The following PHLPP1 variants were observed in gnomAD, a reference collection of about 807,000 sequenced individuals.
PHLPP1 encodes the protein PH domain and leucine rich repeat protein phosphatase 1, also known as PH domain leucine-rich repeat-containing protein phosphatase 1.
PHLPP1 carries 42 observed loss-of-function variants against 117.2 expected under a neutral mutation model. The observed-to-expected ratio is 0.36, with a 90% CI of 0.28 to 0.46. The LOEUF is 0.46. Ranked by LOEUF, PHLPP1 falls within the 20% of genes least tolerant of loss-of-function variation. The pLI, the probability that PHLPP1 is intolerant of heterozygous loss-of-function variation, is 1.00. For missense variants in PHLPP1, 2,084 were observed against 2,241.9 expected, an observed-to-expected ratio of 0.93 and a Z score of 1.42; for synonymous variants, 1,042 against 970.7, an observed-to-expected ratio of 1.07 and a Z score of -1.37.
chr18:62,829,732 A>G (rs1325443444), intron 1 of PHLPP1, among the ~76,000 whole-genome samples: 1 of 152,210 alleles, frequency 6.6e-6, no homozygotes, highest in African/African-American at 2.4e-5. Flanking sequence ...AGCCTGGGTG[A>G]CAGAGCGAAA....
At chr18:62,887,458 T>C (rs1228856330) in intron 4 of PHLPP1, among the ~76,000 whole-genome samples, 1 of 152,220 alleles carries the variant, frequency 6.6e-6, no homozygotes, top group Non-Finnish European at 1.5e-5. Flanking sequence ...ACAACAGAAA[T>C]TTATTTCAGT....
At chr18:62,873,040 C>T (rs1915948965) in intron 4 of PHLPP1, among the ~76,000 whole-genome samples, 1 of 149,902 alleles carries the variant, frequency 6.7e-6, no homozygotes, top group African/African-American at 2.5e-5. Context: ...CCTTTTTACA[C>T]CTGCTGTTTT....
intron 12 of PHLPP1, among the ~76,000 whole-genome samples, chr18:62,951,163 A>G (rs1910445626): frequency 6.6e-6 from 1 of 151,906 alleles, no homozygotes; most frequent in African/African-American, 2.4e-5. Flanking sequence ...TTGTATTTTT[A>G]GTAGAGACAG....
At chr18:62,836,716 A>G (rs1490861009) in intron 2 of PHLPP1, among the ~76,000 whole-genome samples, 1 of 150,030 alleles carries the variant, frequency 6.7e-6, no homozygotes, top group African/African-American at 2.5e-5. Flanking sequence ...GTAAAGCTAT[A>G]TGGGCCTGAT....
At chr18:62,964,865 T>G (rs990577962) in intron 14 of PHLPP1, among the ~76,000 whole-genome samples, 4 of 152,226 alleles carry the variant, frequency 2.6e-5, no homozygotes, top group South Asian at 2.1e-4. Flanking sequence ...ATCTAATATC[T>G]ACTCGTGTCT....
At chr18:62,732,053 C>T (rs772109491) in intron 1 of PHLPP1, among the ~76,000 whole-genome samples, 3 of 152,162 alleles carry the variant, frequency 2.0e-5, no homozygotes, top group Non-Finnish European at 4.4e-5. Context: ...ATGTGTAGAA[C>T]CTGATGTAGA....
intron 1 of PHLPP1, among the ~76,000 whole-genome samples, chr18:62,828,300 G>T (rs1358231934): frequency 6.6e-6 from 1 of 152,150 alleles, no homozygotes; most frequent in African/African-American, 2.4e-5. Context: ...GTGAATCACT[G>T]TGTCTGATCC....
At chr18:62,852,113 CA>C (rs1915369447) in intron 3 of PHLPP1, among the ~76,000 whole-genome samples, 1 of 151,934 alleles carries the variant, frequency 6.6e-6, no homozygotes, top group South Asian at 2.1e-4. Flanking sequence ...CTCCTGGACT[CA>C]AGTGGTCCTC....
intron 1 of PHLPP1, among the ~76,000 whole-genome samples, chr18:62,818,402 C>CT (rs903331737): frequency 6.6e-6 from 1 of 152,082 alleles, no homozygotes. Context: ...TGGCGGATGC[C>CT]TGTAGTCCCA....
intron 4 of PHLPP1, among the ~76,000 whole-genome samples, chr18:62,885,831 A>G (rs1448121003): frequency 6.6e-6 from 1 of 152,250 alleles, no homozygotes; most frequent in African/African-American, 2.4e-5. Context: ...AAAATTTAGT[A>G]ACTGGGGAAA....
At position 62,978,184 on chromosome 18, in the gene PHLPP1, A is replaced by T; in HGVS notation, c.3985-78A>T. On this transcript the variant is annotated intron_variant, in intron 16 of 16. Transcript: ENST00000262719. This position sits in a 1 kb window ranked among gnomAD's most constrained non-coding sequence, Gnocchi z 7.0. ...TGTGGTCCTACAGTCGAGACAGTCG[A>T]GGGACCCGCAGGGAACCTGCACAGT... 2 of 781,724 alleles carry T rather than the reference A, an allele frequency of 2.6e-6. No homozygotes were observed. The highest frequency in any genetic ancestry group is 1.7e-5 in the African/African-American group (1 of 58,054). 48.4% of individuals were successfully genotyped at this position (781,724 alleles called of 1,614,324 possible). A position where few individuals can be genotyped will look rare whatever the true frequency, so the allele number is the denominator to read the frequency against.
At chr18:62,821,730 T>C (rs1480888709) in intron 1 of PHLPP1, among the ~76,000 whole-genome samples, 1 of 151,716 alleles carries the variant, frequency 6.6e-6, no homozygotes, top group East Asian at 1.9e-4. Context: ...TCTATAGATA[T>C]TAAAAGGATA....
Position 62,765,401 on chromosome 18 carries a change from T to G in PHLPP1, c.1576+48142T>G, listed in dbSNP as rs184556866. Among the ~76,000 whole-genome samples the G allele has an allele frequency of 2.6e-3, 389 of 152,314 alleles. 2 individuals carry two copies. The highest frequency in any genetic ancestry group is 4.0e-3 in the Non-Finnish European group (270 of 68,024). The stretch of plus-strand genomic sequence containing the variant: ...GCTGGCATAATAGGAGGTATGCAAA[T>G]AAGTACATTTGGATATGAAAAGAAA... On this transcript the variant is annotated intron_variant, in intron 1 of 16. Coordinates refer to ENST00000262719, the MANE Select transcript of PHLPP1 (RefSeq NM_194449.4).
At chr18:62,890,316 G>A (rs1249758074) in intron 4 of PHLPP1, among the ~76,000 whole-genome samples, 2 of 151,964 alleles carry the variant, frequency 1.3e-5, no homozygotes, top group African/African-American at 4.8e-5. Context: ...ACCCAGGCTG[G>A]AGTGCAGTGG....
intron 1 of PHLPP1, among the ~76,000 whole-genome samples, chr18:62,804,299 G>C (rs1201425561): frequency 6.6e-6 from 1 of 152,148 alleles, no homozygotes; most frequent in Non-Finnish European, 1.5e-5. Context: ...GACACGTAAG[G>C]GTTACGATTT....
chr18:62,759,324 C>T (rs1912136641), intron 1 of PHLPP1, among the ~76,000 whole-genome samples: 1 of 152,142 alleles, frequency 6.6e-6, no homozygotes. Flanking sequence ...AAAAAATCTC[C>T]ACTCACCTGT....
At chr18:62,816,661 G>A (rs1000317660) in intron 1 of PHLPP1, among the ~76,000 whole-genome samples, 2 of 152,038 alleles carry the variant, frequency 1.3e-5, no homozygotes, top group Non-Finnish European at 2.9e-5. Flanking sequence ...TGAAATCTTT[G>A]CCAATTAGAG....
chr18:62,836,960 A>T (rs1568133070), intron 2 of PHLPP1, among the ~76,000 whole-genome samples: 1 of 152,102 alleles, frequency 6.6e-6, no homozygotes, highest in Non-Finnish European at 1.5e-5. Context: ...CGTCTCAAAA[A>T]CAAAGTTATA....
chr18:62,800,528 A>G (rs1400783029), intron 1 of PHLPP1, among the ~76,000 whole-genome samples: 1 of 151,850 alleles, frequency 6.6e-6, no homozygotes, highest in Non-Finnish European at 1.5e-5. Flanking sequence ...AAACTCACCT[A>G]TAACATCTTT....
Sources: allele counts gnomAD v4.1 joint callset (sites outside exome capture counted in the v4.1 genomes callset), GRCh38; gene constraint gnomAD v4.1.1; non-coding constraint Gnocchi (gnomAD v3.1); transcripts MANE v1.5; gene names NCBI Gene and HGNC (gene_info 2026-07-23, HGNC 2026-07-21).